The following RDH12 variants were observed in gnomAD, a reference collection of about 807,000 sequenced individuals.
The protein encoded by RDH12 is retinol dehydrogenase 12, also known as all-trans and 9-cis retinol dehydrogenase.
Under a neutral mutation model 34.0 loss-of-function variants are expected in RDH12, and 21 were observed. That is an observed-to-expected ratio of 0.62 (90% CI 0.44 to 0.89). RDH12 has a LOEUF of 0.89. Ranked by LOEUF, RDH12 falls within the 40% of genes least tolerant of loss-of-function variation. The pLI, the probability that RDH12 is intolerant of heterozygous loss-of-function variation, is 0.00. For missense variants in RDH12, 394 were observed against 398.6 expected (o/e 0.99, Z 0.10); for synonymous variants, 198 against 169.9 (o/e 1.17, Z -1.29).
chr14:67,729,753 T>G (rs764905556), intron 8 of RDH12: 15 of 507,098 alleles, frequency 3.0e-5, no homozygotes, highest in South Asian at 2.1e-4. Flanking sequence ...TAGCACAAAG[T>G]GCTAGGGGAA....
intron 1 of RDH12, among the ~76,000 whole-genome samples, chr14:67,702,363 T>C (rs1449463503): frequency 6.6e-6 from 1 of 152,164 alleles, no homozygotes; most frequent in East Asian, 1.9e-4. Flanking sequence ...GTTAAATACA[T>C]GGGTATTTTG....
At chr14:67,726,395 C>T (rs2038186039) in intron 6 of RDH12, among the ~76,000 whole-genome samples, 1 of 152,180 alleles carries the variant, frequency 6.6e-6, no homozygotes, top group South Asian at 2.1e-4. Context: ...AGAAGAATGT[C>T]ATTCTTGGAT....
intron 8 of RDH12, among the ~76,000 whole-genome samples, chr14:67,730,915 T>C (rs1484513926): frequency 2.6e-5 from 4 of 152,198 alleles, no homozygotes; most frequent in Non-Finnish European, 5.9e-5. Context: ...CAAGCATTTC[T>C]GATAAGGGAT....
At chr14:67,733,461 A>G (rs900013341) in intron 8 of RDH12, among the ~76,000 whole-genome samples, 2 of 152,222 alleles carry the variant, frequency 1.3e-5, no homozygotes, top group African/African-American at 4.8e-5. Flanking sequence ...GTTGTTGCAG[A>G]TATCCTAGAA....
At chr14:67,726,252 C>T (rs1336392827) in intron 6 of RDH12, 97 bp downstream of exon 6, 1 of 809,402 alleles carries the variant, frequency 1.2e-6, no homozygotes, top group East Asian at 2.5e-5. Flanking sequence ...CAGGGGCCTT[C>T]ATAGAGCCTA....
intron 7 of RDH12, among the ~76,000 whole-genome samples, chr14:67,728,711 G>A (rs1048281999): frequency 6.6e-6 from 1 of 150,916 alleles, no homozygotes; most frequent in African/African-American, 2.4e-5. Flanking sequence ...TGTGGGGGGG[G>A]GGTGTTAATC....
intron 1 of RDH12, among the ~76,000 whole-genome samples, chr14:67,708,418 A>G (rs1489064857): frequency 6.6e-6 from 1 of 152,132 alleles, no homozygotes; most frequent in Non-Finnish European, 1.5e-5. Context: ...TGCATTTAAG[A>G]ACACCTGTTA....
In RDH12 at chr14:67,726,175, TA is replaced by T; in HGVS notation, c.448+26del. 7.0e-7 allele frequency: 1 copy of T among 1,420,124 alleles called. No homozygotes were observed. Among genetic ancestry groups the T allele is most frequent in the Non-Finnish European group, 1.0e-6 (1 of 1,003,072 alleles). The allele number at this position is 1,420,124 out of a possible 1,614,324, so 88.0% of individuals were successfully genotyped here. On this transcript the variant is annotated intron_variant, in intron 6 of 8. Coordinates refer to ENST00000551171, the MANE Select transcript of RDH12 (RefSeq NM_152443.3). Reference sequence around the variant, plus strand: ...ACCTGGGTAAGTATCTTTGGGTGACTAAAAAATGAGGTACACCCACTATCTT... The same window carrying T: ...ACCTGGGTAAGTATCTTTGGGTGACTAAAAATGAGGTACACCCACTATCTT...
At chr14:67,727,382 G>T (rs1242305092) in intron 7 of RDH12, 192 bp downstream of exon 7, 13 of 591,234 alleles carry the variant, frequency 2.2e-5, no homozygotes, top group Non-Finnish European at 3.3e-5. Context: ...TAGGGGTTAA[G>T]AACCTCAAAA....
At chr14:67,717,167 T>C (rs997108848) in intron 1 of RDH12, among the ~76,000 whole-genome samples, 3 of 152,240 alleles carry the variant, frequency 2.0e-5, no homozygotes, top group African/African-American at 4.8e-5. Context: ...AAAATTTGTA[T>C]ACAGTGAAAG....
At chr14:67,726,418 G>A (rs903307082) in intron 6 of RDH12, among the ~76,000 whole-genome samples, 2 of 152,222 alleles carry the variant, frequency 1.3e-5, no homozygotes, top group African/African-American at 4.8e-5. Context: ...GGCAGTGGCA[G>A]TACAAGGCTT....
At chr14:67,726,573 A>G (rs574363928) in intron 6 of RDH12, among the ~76,000 whole-genome samples, 1 of 152,290 alleles carries the variant, frequency 6.6e-6, no homozygotes, top group East Asian at 1.9e-4. Flanking sequence ...GGTGGGGTTC[A>G]GCGTTCAAGG....
intron 7 of RDH12, among the ~76,000 whole-genome samples, chr14:67,728,929 A>G (rs1365183335): frequency 6.6e-6 from 1 of 152,218 alleles, no homozygotes; most frequent in Non-Finnish European, 1.5e-5. Context: ...CTAAAGCCAC[A>G]GTATAAAAAC....
intron 1 of RDH12, among the ~76,000 whole-genome samples, chr14:67,704,547 T>C (rs2037932057): frequency 1.3e-5 from 2 of 152,162 alleles, no homozygotes; most frequent in African/African-American, 4.8e-5. Context: ...TCTAGGCACT[T>C]GCAAGTGGAA....
intron 4 of RDH12, 28 bp downstream of exon 4, chr14:67,724,619 G>A: frequency 2.0e-6 from 3 of 1,509,770 alleles, no homozygotes; most frequent in Non-Finnish European, 2.8e-6. Context: ...AGTCTCCAAA[G>A]GGCCATGCCT....
At chr14:67,729,751 A>C (rs1224434247) in intron 8 of RDH12, 3 of 507,350 alleles carry the variant, frequency 5.9e-6, no homozygotes, top group Admixed American at 2.1e-5. Context: ...ATTAGCACAA[A>C]GTGCTAGGGG....
At position 67,718,372 on chromosome 14, in the gene RDH12, A is replaced by G. The variant is rs978873847; in HGVS notation, c.-274-2476A>G. On this transcript the variant is annotated intron_variant, in intron 1 of 8. Transcript: ENST00000551171. ...CTCACTCTATTTTGTAAGAGGCTCC[A>G]TTCTTAGTAGGGTATCCAGGACAGG... 2.0e-5 allele frequency among the ~76,000 whole-genome samples: 3 copies of G among 152,342 alleles called. No homozygotes were observed. The East Asian group carries it at 5.8e-4, about 29-fold the overall frequency.
At chr14:67,703,427 A>C (rs2037920916) in intron 1 of RDH12, among the ~76,000 whole-genome samples, 1 of 152,214 alleles carries the variant, frequency 6.6e-6, no homozygotes, top group African/African-American at 2.4e-5. Context: ...AGAAAAACAA[A>C]ATTTCTAAGT....
At chr14:67,733,210 C>A (rs1196995586) in intron 8 of RDH12, among the ~76,000 whole-genome samples, 1 of 152,100 alleles carries the variant, frequency 6.6e-6, no homozygotes, top group East Asian at 1.9e-4. Context: ...AGGGCCCCTG[C>A]TCATTCCAAA....
Sources: allele counts gnomAD v4.1 joint callset (sites outside exome capture counted in the v4.1 genomes callset), GRCh38; gene constraint gnomAD v4.1.1; transcripts MANE v1.5; gene names NCBI Gene and HGNC (gene_info 2026-07-23, HGNC 2026-07-21).